The following SLC7A5 variants were observed in gnomAD, a reference collection of about 807,000 sequenced individuals.
SLC7A5 encodes the protein solute carrier family 7 member 5.
Under a neutral mutation model 50.2 loss-of-function variants are expected in SLC7A5, and 23 were observed. That is an observed-to-expected ratio of 0.46 (90% confidence interval 0.33 to 0.65). SLC7A5 has a LOEUF of 0.65. Ranked by LOEUF, SLC7A5 falls within the 30% of genes least tolerant of loss-of-function variation. The pLI is 0.02. For missense variants in SLC7A5, 578 were observed against 684.4 expected, an observed-to-expected ratio of 0.84 and a Z score of 1.73; for synonymous variants, 393 against 330.6, an observed-to-expected ratio of 1.19 and a Z score of -2.05.
rs2055412361 is a variant in SLC7A5 at position 87,862,548 on chromosome 16, T to C, written c.538+6337A>G. On this transcript the variant is annotated intron_variant, in intron 1 of 9. Coordinates refer to ENST00000261622, the MANE Select transcript of SLC7A5 (RefSeq NM_003486.7). The surrounding 1 kb of genome is among the most constrained non-coding windows in gnomAD (Gnocchi z 5.3). Reference sequence around the variant, plus strand: ...TAAAGGAAACCCTGGCTCCTGTCTCTGGCTCTTCCCTCCCTCTCTTTGTTC... The same window carrying C: ...TAAAGGAAACCCTGGCTCCTGTCTCCGGCTCTTCCCTCCCTCTCTTTGTTC... Among the ~76,000 whole-genome samples, 2 of 152,276 alleles carry C rather than the reference T, an allele frequency of 1.3e-5. No individual in the cohort carries two copies.
intron 8 of SLC7A5, among the ~76,000 whole-genome samples, chr16:87,835,951 G>A (rs2054997665): frequency 6.6e-6 from 1 of 152,246 alleles, no homozygotes; most frequent in Non-Finnish European, 1.5e-5. Flanking sequence ...TCTGTGTCAG[G>A]GCCAGGGCGG....
chr16:87,868,840 C>T (rs1211938962), intron 1 of SLC7A5, 45 bp downstream of exon 1: 1 of 1,553,302 alleles, frequency 6.4e-7, no homozygotes. Context: ...TGCAGGGACC[C>T]AGAGACTACG....
In SLC7A5 at chr16:87,835,759, C is replaced by T. The variant is rs538929174; in HGVS notation, c.1290+739G>A. Among the ~76,000 whole-genome samples, 61 of 152,344 alleles carry T rather than the reference C, an allele frequency of 4.0e-4. 1 individual carries two copies. The South Asian group carries it at 8.1e-3, about 20-fold the overall frequency. On this transcript the variant is annotated intron_variant, in intron 8 of 9. Transcript: ENST00000261622. Reference sequence around the variant, plus strand: ...AAAGTGCTGGGATTACAGGCGTGAGCCACCGCGCCCAGCCTAAAGCCCGTT... The same window carrying T: ...AAAGTGCTGGGATTACAGGCGTGAGTCACCGCGCCCAGCCTAAAGCCCGTT...
chr16:87,860,089 T>C lies in SLC7A5; in HGVS notation c.539-8240A>G, dbSNP rs2055371066. 6.6e-6 allele frequency among the ~76,000 whole-genome samples: 1 copy of C among 151,976 alleles called. No homozygotes were observed. Among genetic ancestry groups the C allele is most frequent in the South Asian group, 2.1e-4 (1 of 4,818 alleles). ...GGCTCACACCTGTAATCCCAGCACT[T>C]TGGGAAGCCAAGGTGGGCGGATCAC... On this transcript the variant is annotated intron_variant, in intron 1 of 9. Transcript: ENST00000261622. The surrounding 1 kb of genome is among the most constrained non-coding windows in gnomAD (Gnocchi z 4.8).
At chr16:87,840,354 C>T in intron 4 of SLC7A5, 75 bp downstream of exon 4, 5 of 1,322,352 alleles carry the variant, frequency 3.8e-6, no homozygotes, top group South Asian at 2.3e-5. Context: ...CAACAGGCTT[C>T]GAGTGGAATG....
Position 87,841,614 on chromosome 16 carries a change from C to T in SLC7A5, c.665-459G>A, listed in dbSNP as rs1381079290. ...CCTGCTTCTTGGGGTGCGAGGAGCTCGGAACAGACTGCCCTCCCTCCAGGG... is the reference window on the plus strand; with the variant it reads ...CCTGCTTCTTGGGGTGCGAGGAGCTTGGAACAGACTGCCCTCCCTCCAGGG... On this transcript the variant is annotated intron_variant, in intron 2 of 9. Coordinates refer to ENST00000261622, the MANE Select transcript of SLC7A5 (RefSeq NM_003486.7). This position sits in a 1 kb window ranked among gnomAD's most constrained non-coding sequence, Gnocchi z 4.8. Among the ~76,000 whole-genome samples, 1 of 152,192 alleles carries T rather than the reference C, an allele frequency of 6.6e-6. No homozygotes were observed. Among genetic ancestry groups the T allele is most frequent in the Admixed American group, 6.5e-5 (1 of 15,288 alleles).
intron 1 of SLC7A5, among the ~76,000 whole-genome samples, chr16:87,865,354 G>C (rs1245721263): frequency 2.0e-5 from 3 of 152,236 alleles, no homozygotes; most frequent in Admixed American, 6.5e-5. Flanking sequence ...GGGTCAGAGA[G>C]GGTTGGCACT....
chr16:87,836,390 A>G, intron 8 of SLC7A5, 108 bp downstream of exon 8: 6 of 1,262,944 alleles, frequency 4.8e-6, no homozygotes, highest in Non-Finnish European at 6.8e-6. Context: ...AGGCAGGGGC[A>G]GGTCCAGAGG....
rs552381353 is a variant in SLC7A5 at position 87,841,799 on chromosome 16, G to A, written c.665-644C>T. On this transcript the variant is annotated intron_variant, in intron 2 of 9. Coordinates refer to ENST00000261622, the MANE Select transcript of SLC7A5 (RefSeq NM_003486.7). This position sits in a 1 kb window ranked among gnomAD's most constrained non-coding sequence, Gnocchi z 4.8. ...TCTCCTTTGCCCTCTGAGGACACGC[G>A]TCACTGGACTTCGTGACTGCTCCAC... Among the ~76,000 whole-genome samples, 5 of 152,354 alleles carry A rather than the reference G, an allele frequency of 3.3e-5. No individual in the cohort carries two copies. The highest frequency in any genetic ancestry group is 1.9e-4 in the East Asian group (1 of 5,180).
chr16:87,840,539 A>C, intron 3 of SLC7A5, 66 bp from the exon 4 acceptor site: 1 of 1,358,084 alleles, frequency 7.4e-7, no homozygotes, highest in South Asian at 1.2e-5. Flanking sequence ...CACCGGGGAG[A>C]GAGCATCCCA....
intron 2 of SLC7A5, among the ~76,000 whole-genome samples, chr16:87,842,344 AC>A (rs1381086818): frequency 1.3e-5 from 2 of 152,198 alleles, no homozygotes; most frequent in Non-Finnish European, 2.9e-5. Context: ...ACCACAGGTC[AC>A]CATGGGGGCC....
intron 1 of SLC7A5, 62 bp from the exon 2 acceptor site, chr16:87,851,911 C>A (rs1007260119): frequency 3.7e-6 from 6 of 1,607,504 alleles, no homozygotes; most frequent in Non-Finnish European, 5.1e-6. Flanking sequence ...CAGGGGTAGG[C>A]TGGGAGGTGA....
chr16:87,855,431 C>A lies in SLC7A5; in HGVS notation c.539-3582G>T, dbSNP rs540806197. ...GACAGGTGCATACCGCTGGCTGACC[C>A]CCCAACTCTGCTCAATCACACACGT... On this transcript the variant is annotated intron_variant, in intron 1 of 9. Coordinates refer to ENST00000261622, the MANE Select transcript of SLC7A5 (RefSeq NM_003486.7). Among the ~76,000 whole-genome samples the A allele has an allele frequency of 7.9e-5, 12 of 152,262 alleles. No homozygotes were observed. The South Asian group carries it at 2.5e-3, about 32-fold the overall frequency.
intron 1 of SLC7A5, among the ~76,000 whole-genome samples, chr16:87,865,199 A>G (rs184206728): frequency 1.3e-5 from 2 of 151,198 alleles, no homozygotes; most frequent in Admixed American, 1.3e-4. Context: ...TCACTTTCCA[A>G]AAAAAAAAGC....
chr16:87,857,035 C>T (rs2099752757), intron 1 of SLC7A5, among the ~76,000 whole-genome samples: 1 of 152,174 alleles, frequency 6.6e-6, no homozygotes, highest in African/African-American at 2.4e-5. Flanking sequence ...ATGTGTCTGA[C>T]CCAGTGACCC....
intron 7 of SLC7A5, chr16:87,837,504 G>C: frequency 3.0e-6 from 1 of 329,440 alleles, no homozygotes; most frequent in South Asian, 4.2e-5. Flanking sequence ...GAAGCGGAAG[G>C]AAACTGTGTG....
intron 8 of SLC7A5, 102 bp from the exon 9 acceptor site, chr16:87,834,693 T>C (rs904027859): frequency 8.1e-7 from 1 of 1,241,084 alleles, no homozygotes; most frequent in African/African-American, 1.5e-5. Context: ...CACCCACGGC[T>C]GCTGACTTCC....
At chr16:87,857,133 C>T (rs1258940401) in intron 1 of SLC7A5, among the ~76,000 whole-genome samples, 15 of 152,342 alleles carry the variant, frequency 9.8e-5, no homozygotes, top group Non-Finnish European at 1.9e-4. Flanking sequence ...TGCCTCCCTG[C>T]CACTGCTGGC....
chr16:87,841,162 G>T lies in SLC7A5; in HGVS notation c.665-7C>A, dbSNP rs1458918599. 7 of 1,591,994 alleles carry T rather than the reference G, an allele frequency of 4.4e-6. No homozygotes were observed. Among genetic ancestry groups the T allele is most frequent in the Non-Finnish European group, 4.3e-6 (5 of 1,160,092 alleles). Reference sequence around the variant, plus strand: ...TCTAGATTGGACACATCACCTGGCAGGGCCAAAGAAAGGAATGCTGGGTTA... The same window carrying T: ...TCTAGATTGGACACATCACCTGGCATGGCCAAAGAAAGGAATGCTGGGTTA... On this transcript the variant is annotated splice_region_variant and splice_polypyrimidine_tract_variant and intron_variant, in intron 2 of 9. Transcript: ENST00000261622. The surrounding 1 kb of genome is among the most constrained non-coding windows in gnomAD (Gnocchi z 4.8).
Sources: gnomAD v4.1 joint callset for allele counts (sites outside exome capture counted in the v4.1 genomes callset) on GRCh38, gnomAD v4.1.1 for gene constraint, Gnocchi (gnomAD v3.1) non-coding constraint, MANE v1.5 for transcripts, NCBI Gene and HGNC (gene_info 2026-07-23, HGNC 2026-07-21) for gene names.